Variants in BIRC6 observed in about 807,000 individuals in gnomAD.
BIRC6 encodes dual E2 ubiquitin-conjugating enzyme/E3 ubiquitin-protein ligase BIRC6.
A neutral mutation model predicts 503.3 loss-of-function variants in BIRC6; 98 were observed. The observed-to-expected ratio is 0.19, with a 90% CI of 0.17 to 0.23. The LOEUF (loss-of-function observed/expected upper bound fraction) is 0.23. BIRC6 is among the 10% of genes least tolerant of loss of function. BIRC6 has a pLI of 1.00. For synonymous variants in BIRC6, 2,240 were observed against 2,078.7 expected, an observed-to-expected ratio of 1.08 and a Z score of -2.11; for missense variants, 5,360 against 5,806.0, an observed-to-expected ratio of 0.92 and a Z score of 2.50.
chr2:32,407,372 G>C (rs2041342183), intron 9 of BIRC6, among the ~76,000 whole-genome samples: 1 of 151,074 alleles, frequency 6.6e-6, no homozygotes, highest in Non-Finnish European at 1.5e-5. Flanking sequence ...TTGAACCCGG[G>C]AGGCGGAGAT....
chr2:32,448,480 C>G (rs1430950154), intron 21 of BIRC6, among the ~76,000 whole-genome samples: 1 of 152,068 alleles, frequency 6.6e-6, no homozygotes, highest in Non-Finnish European at 1.5e-5. Context: ...AAAACCCCGT[C>G]TCCACCAAAA....
chr2:32,593,539 G>A (rs2061504947), intron 66 of BIRC6, among the ~76,000 whole-genome samples: 1 of 151,956 alleles, frequency 6.6e-6, no homozygotes, highest in South Asian at 2.1e-4. Context: ...TTAATTCTGA[G>A]TGAAATACAA....
Position 32,594,474 on chromosome 2 carries a change from C to A in BIRC6, c.13501+414C>A, listed in dbSNP as rs942915883. On this transcript the variant is annotated intron_variant, in intron 67 of 73. Coordinates refer to ENST00000421745, the MANE Select transcript of BIRC6 (RefSeq NM_016252.4). ...CTTTGGGAGGACTAAATGGATAGATCACTTGAGCTCAGGAGTTCAAGATCA... is the reference window on the plus strand; with the variant it reads ...CTTTGGGAGGACTAAATGGATAGATAACTTGAGCTCAGGAGTTCAAGATCA... Among the ~76,000 whole-genome samples the A allele has an allele frequency of 2.0e-5, 3 of 152,182 alleles. No homozygotes were observed. In the South Asian group the frequency reaches 6.2e-4, roughly 31 times the overall value.
At chr2:32,484,618 C>T (rs765298020) in intron 39 of BIRC6, among the ~76,000 whole-genome samples, 8 of 150,976 alleles carry the variant, frequency 5.3e-5, no homozygotes, top group African/African-American at 9.7e-5. Context: ...CAGTTTTGAA[C>T]GGACTCATGG....
chr2:32,481,275 T>C (rs1051810454), intron 37 of BIRC6, 45 bp from the exon 38 acceptor site: 4 of 1,431,684 alleles, frequency 2.8e-6, no homozygotes, highest in Non-Finnish European at 2.8e-6. Context: ...ATCTAAATTT[T>C]ATGTGATACA....
At chr2:32,420,283 G>T (rs1397486459) in intron 10 of BIRC6, among the ~76,000 whole-genome samples, 1 of 151,974 alleles carries the variant, frequency 6.6e-6, no homozygotes, top group Non-Finnish European at 1.5e-5. Flanking sequence ...GTGTATAATT[G>T]GTCTTATTTT....
chr2:32,443,534 C>T lies in BIRC6; in HGVS notation c.4282C>T (p.Leu1428=). Residue 1428 remains leucine (L), a synonymous_variant, in exon 20 of 74, where the codon CTG becomes TTG. Transcript: ENST00000421745. ...DPCQPAFGPV[L]LKALLDNMSF... ...ATGTCAACCAGCATTTGGACCTGTT[C>T]TGTTGAAGGCTTTACTTGATAATAT... 6.2e-7 allele frequency: 1 copy of T among 1,609,658 alleles called. No individual in the cohort carries two copies. Among genetic ancestry groups the T allele is most frequent in the Non-Finnish European group, 8.5e-7 (1 of 1,178,014 alleles).
chr2:32,429,317 T>C, intron 11 of BIRC6, 22 bp downstream of exon 11: 1 of 1,449,314 alleles, frequency 6.9e-7, no homozygotes, highest in Non-Finnish European at 9.1e-7. Flanking sequence ...AATTTTTAAA[T>C]GATTTTAAAA....
intron 22 of BIRC6, among the ~76,000 whole-genome samples, chr2:32,450,165 C>A (rs1331401214): frequency 2.0e-5 from 3 of 152,112 alleles, no homozygotes; most frequent in Non-Finnish European, 4.4e-5. Context: ...AAAGAAGACT[C>A]AGAACAAGGA....
chr2:32,472,149 CA>C (rs1250837403), intron 32 of BIRC6, among the ~76,000 whole-genome samples: 14 of 152,182 alleles, frequency 9.2e-5, no homozygotes, highest in Admixed American at 8.5e-4. Flanking sequence ...TCACTGCAAC[CA>C]CCACCTCCTG....
At chr2:32,443,682 T>G (rs2148363097) in intron 20 of BIRC6, 94 bp downstream of exon 20, 1 of 983,240 alleles carries the variant, frequency 1.0e-6, no homozygotes, top group East Asian at 2.7e-5. Flanking sequence ...TTTTCTCTAT[T>G]AAAGTTCACT....
At chr2:32,465,356 A>G (rs1369097032) in intron 26 of BIRC6, among the ~76,000 whole-genome samples, 192 bp downstream of exon 26, 1 of 151,790 alleles carries the variant, frequency 6.6e-6, no homozygotes, top group African/African-American at 2.4e-5. Flanking sequence ...AAATTGCATA[A>G]AGAGTGCTGT....
At chr2:32,487,845 A>G in intron 41 of BIRC6, 44 bp downstream of exon 41, 1 of 1,514,576 alleles carries the variant, frequency 6.6e-7, no homozygotes, top group Non-Finnish European at 9.1e-7. Flanking sequence ...TATTATTGTT[A>G]GCCTGGTAAA....
intron 1 of BIRC6, among the ~76,000 whole-genome samples, chr2:32,370,261 C>T (rs1022801619): frequency 1.3e-5 from 2 of 151,618 alleles, no homozygotes; most frequent in South Asian, 2.1e-4. Flanking sequence ...ATAAATTTTT[C>T]GTGGTGATTA....
At chr2:32,545,922 A>G (rs2058024985) in intron 63 of BIRC6, 62 bp downstream of exon 63, 5 of 1,448,716 alleles carry the variant, frequency 3.5e-6, no homozygotes, top group Non-Finnish European at 4.7e-6. Flanking sequence ...GGAGTACAGA[A>G]TAAAGTTTTT....
rs907391029 is a variant in BIRC6, at chr2:32,540,078, TAGA to T, written c.12292-3157_12292-3155del. Among the ~76,000 whole-genome samples, 63 of 152,136 alleles carry T rather than the reference TAGA, an allele frequency of 4.1e-4. 1 individual carries two copies. The highest frequency in any genetic ancestry group is 4.1e-4 in the South Asian group (2 of 4,830). On this transcript the variant is annotated intron_variant, in intron 61 of 73. Transcript: ENST00000421745. ...CCTTGAAAAACACAACCAGAATCAG[TAGA>T]AGAAGTGCATGTATACGTTTGTATG...
At chr2:32,397,574 CTGTGTGTG>C (rs147651911) in intron 6 of BIRC6, among the ~76,000 whole-genome samples, 4 of 138,066 alleles carry the variant, frequency 2.9e-5, no homozygotes, top group East Asian at 2.1e-4. Context: ...CCCGTAAAGG[CTGTGTGTG>C]TGTGTGTGTG....
Position 32,597,832 on chromosome 2 carries a change from A to T in BIRC6, c.13694A>T (p.Asn4565Ile), listed in dbSNP as rs144339679. 1.7e-5 allele frequency: 28 copies of T among 1,613,856 alleles called. No homozygotes were observed. The East Asian group carries it at 5.1e-4, about 30-fold the overall frequency. The change falls in exon 69 of 74, where the codon AAT becomes ATT. Residue 4565 changes from asparagine (N) to isoleucine (I), a missense_variant. Asn to Ile is a moderately radical substitution (Grantham distance 149). This residue lies in a region of BIRC6 where 477 missense variants were observed against 574.4 expected (regional missense o/e 0.83). Transcript: ENST00000421745. ...TACCACTACATGTCTCAGGTGAAAAATGCTAATGATGCGAACAGTGCTGCC... is the reference window on the plus strand; with the variant it reads ...TACCACTACATGTCTCAGGTGAAAATTGCTAATGATGCGAACAGTGCTGCC... Reference protein sequence around the residue: ...VNYHYMSQVKNANDANSAARA... With the variant: ...VNYHYMSQVKIANDANSAARA...
At chr2:32,538,980 A>G (rs1165377277) in intron 61 of BIRC6, among the ~76,000 whole-genome samples, 1 of 152,212 alleles carries the variant, frequency 6.6e-6, no homozygotes, top group African/African-American at 2.4e-5. Flanking sequence ...TGAAAAGCAA[A>G]CGTTTGTCAG....
Sources: gnomAD v4.1 joint callset for allele counts (sites outside exome capture counted in the v4.1 genomes callset) on GRCh38, gnomAD v4.1.1 for gene constraint, gnomAD v4.1.1 regional missense constraint, MANE v1.5 for transcripts, NCBI Gene and HGNC (gene_info 2026-07-23, HGNC 2026-07-21) for gene names.